Variants in MAST1 observed in about 807,000 individuals in gnomAD.
The protein encoded by MAST1 is microtubule associated serine/threonine kinase 1, also known as microtubule-associated serine/threonine-protein kinase 1.
In MAST1, 40 loss-of-function variants were observed where a neutral mutation model predicts 124.6. The observed-to-expected ratio is 0.32, with a 90% CI of 0.25 to 0.42. MAST1 has a LOEUF of 0.42. MAST1 is among the 10% of genes least tolerant of loss of function. The probability of loss-of-function intolerance (pLI) is 1.00; values close to 1 mark genes in which losing one functional copy is unlikely to be tolerated. For synonymous variants in MAST1, 938 were observed against 939.4 expected (o/e 1.00, Z 0.03); for missense variants, 1,558 against 2,181.9 (o/e 0.71, Z 5.70).
chr19:12,867,580 T>TG lies in MAST1; in HGVS notation c.2248dup (p.Ala750GlyfsTer14). On this transcript the variant is annotated frameshift_variant, in exon 19 of 26. Transcript: ENST00000251472. LOFTEE classifies it high-confidence loss of function. The stretch of plus-strand genomic sequence containing the variant: ...AGCACCAAGGGCCCCGAGGAGAAGG[T>TG]GGCCGGCAAGCGGGAGGGGCTGGGC... 1 of 1,612,408 alleles carries TG rather than the reference T, an allele frequency of 6.2e-7. No homozygotes were observed. The highest frequency in any genetic ancestry group is 8.5e-7 in the Non-Finnish European group (1 of 1,179,466).
Position 12,874,816 on chromosome 19 carries a change from C to G in MAST1, c.4659C>G (p.Pro1553=). The change falls in exon 26 of 26, where the codon CCC becomes CCG. Residue 1553 remains proline, a synonymous_variant. Transcript: ENST00000251472. The surrounding 1 kb of genome is among the most constrained non-coding windows in gnomAD (Gnocchi z 6.6). ...LTSRCPAEAV[P]PAGLTKKGVS... ...CCCGGTGCCCTGCTGAAGCTGTGCC[C>G]CCAGCAGGCCTGACCAAAAAAGGAG... 1 of 1,597,468 alleles carries G rather than the reference C, an allele frequency of 6.3e-7. No individual in the cohort carries two copies. The highest frequency in any genetic ancestry group is 1.1e-5 in the South Asian group (1 of 89,882).
intron 20 of MAST1, 181 bp from the exon 21 acceptor site, chr19:12,868,462 T>C: frequency 5.4e-6 from 3 of 553,226 alleles, no homozygotes; most frequent in Admixed American, 3.5e-5. Context: ...CAGTCAGTGA[T>C]ACAGACCGAT....
rs753835245 is a variant in MAST1, at chr19:12,838,579, G to C, written c.7G>C (p.Asp3His). ...ATGTCGCCGCCGCCGGGTCATGTCT[G>C]ACTCTCTCTGGACCGCGCTTTCTAA... MS[D>H]SLWTALSNFS... The change falls in exon 1 of 26, where the codon GAC (aspartate) becomes CAC (histidine). Residue 3 changes from aspartate (D) to histidine (H), a missense_variant. Transcript: ENST00000251472. This position sits in a 1 kb window ranked among gnomAD's most constrained non-coding sequence, Gnocchi z 4.3. 1 of 1,585,322 alleles carries C rather than the reference G, an allele frequency of 6.3e-7. No individual in the cohort carries two copies. The highest frequency in any genetic ancestry group is 8.6e-7 in the Non-Finnish European group (1 of 1,167,594).
Position 12,869,308 on chromosome 19 carries a change from G to A in MAST1, c.3003+13G>A, listed in dbSNP as rs761099184. On this transcript the variant is annotated intron_variant, in intron 22 of 25. Coordinates refer to ENST00000251472, the MANE Select transcript of MAST1 (RefSeq NM_014975.3). ...CCACATTGTCTGGGTGAGTACTCAT[G>A]GGTGGAGTCTCCATCACAGAGTGGA... 7.5e-6 allele frequency: 12 copies of A among 1,603,404 alleles called. No individual in the cohort carries two copies. Among genetic ancestry groups the A allele is most frequent in the African/African-American group, 1.3e-5 (1 of 74,618 alleles).
At chr19:12,846,329 A>G (rs905427900) in intron 4 of MAST1, among the ~76,000 whole-genome samples, 4 of 152,124 alleles carry the variant, frequency 2.6e-5, no homozygotes, top group Non-Finnish European at 5.9e-5. Context: ...CTGAGATTAC[A>G]GGTGTGAGTC....
At chr19:12,850,698 G>A (rs911637273) in intron 7 of MAST1, among the ~76,000 whole-genome samples, 8 of 152,044 alleles carry the variant, frequency 5.3e-5, no homozygotes, top group African/African-American at 1.9e-4. Context: ...GGCACAGCCT[G>A]TTGGATTCTG....
chr19:12,847,165 C>A lies in MAST1; in HGVS notation c.328-125C>A. On this transcript the variant is annotated intron_variant, in intron 4 of 25. Coordinates refer to ENST00000251472, the MANE Select transcript of MAST1 (RefSeq NM_014975.3). This position sits in a 1 kb window ranked among gnomAD's most constrained non-coding sequence, Gnocchi z 5.5. ...AGCCAAGATCCTAGGATCCAAGGAT[C>A]GTAAATCAGGTCCTGATCCTGGCCT... The A allele has an allele frequency of 1.5e-6, 1 of 670,236 alleles. No homozygotes were observed. Among genetic ancestry groups the A allele is most frequent in the South Asian group, 1.8e-5 (1 of 56,252 alleles). 41.5% of individuals were successfully genotyped at this position (670,236 alleles called of 1,614,324 possible).
Position 12,866,765 on chromosome 19 carries a change from G to C in MAST1, c.2139+3G>C. On this transcript the variant is annotated splice_donor_region_variant and intron_variant, in intron 18 of 25. Transcript: ENST00000251472. The surrounding 1 kb of genome is among the most constrained non-coding windows in gnomAD (Gnocchi z 5.2). ...CCTGCTCTCCGCGCTTCAGCAAGGTGGGCCAAGTCTGGGTGTGGGACAGGG... is the reference window on the plus strand; with the variant it reads ...CCTGCTCTCCGCGCTTCAGCAAGGTCGGCCAAGTCTGGGTGTGGGACAGGG... 1 of 1,611,640 alleles carries C rather than the reference G, an allele frequency of 6.2e-7. No homozygotes were observed. The highest frequency in any genetic ancestry group is 8.5e-7 in the Non-Finnish European group (1 of 1,178,698).
intron 7 of MAST1, among the ~76,000 whole-genome samples, chr19:12,850,937 T>C (rs368717798): frequency 9.8e-4 from 145 of 148,602 alleles, no homozygotes; most frequent in African/African-American, 3.5e-3. Flanking sequence ...CAATAAGATA[T>C]TAGTTTTTTC....
chr19:12,864,704 T>C, intron 12 of MAST1, 105 bp from the exon 13 acceptor site: 1 of 1,457,562 alleles, frequency 6.9e-7, no homozygotes, highest in South Asian at 1.2e-5. Flanking sequence ...CAGTTTCCCT[T>C]ATCTATAAAA....
Position 12,847,464 on chromosome 19 carries a change from C to A in MAST1, c.488+14C>A. On this transcript the variant is annotated intron_variant, in intron 5 of 25. Coordinates refer to ENST00000251472, the MANE Select transcript of MAST1 (RefSeq NM_014975.3). This position sits in a 1 kb window ranked among gnomAD's most constrained non-coding sequence, Gnocchi z 5.5. ...ACGGAGCCTCAGGTGGGCAGGCATC[C>A]CTCCTCCTTCGTACCAAGCTAGTGG... The A allele has an allele frequency of 6.2e-7, 1 of 1,613,278 alleles. No homozygotes were observed. Among genetic ancestry groups the A allele is most frequent in the South Asian group, 1.1e-5 (1 of 91,052 alleles).
Position 12,873,831 on chromosome 19 carries a change from C to T in MAST1, c.3674C>T (p.Thr1225Met). 1 of 1,591,628 alleles carries T rather than the reference C, an allele frequency of 6.3e-7. No individual in the cohort carries two copies. The highest frequency in any genetic ancestry group is 2.2e-5 in the East Asian group (1 of 44,462). Reference protein sequence around the residue: ...QASPPPLPGHTVGSSHTTQSF... With the variant: ...QASPPPLPGHMVGSSHTTQSF... ...TCACCGCCGCCACTGCCGGGCCACACGGTGGGCAGCTCGCACACTACTCAG... is the reference window on the plus strand; with the variant it reads ...TCACCGCCGCCACTGCCGGGCCACATGGTGGGCAGCTCGCACACTACTCAG... Residue 1225 changes from threonine (T) to methionine (M), a missense_variant, in exon 26 of 26, where the codon ACG becomes ATG. Thr to Met is a moderately conservative substitution (Grantham distance 81). Around this residue, in one of 10 missense-constraint regions of MAST1, gnomAD observed 291 missense variants for 475.8 expected, o/e 0.61. Coordinates refer to ENST00000251472, the MANE Select transcript of MAST1 (RefSeq NM_014975.3).
Position 12,868,856 on chromosome 19 carries a change from C to T in MAST1, c.2773+7C>T. On this transcript the variant is annotated splice_region_variant and intron_variant, in intron 21 of 25. Transcript: ENST00000251472. Reference sequence around the variant, plus strand: ...TCTGTCATGATTCCTGCAGGTAATGCTGGGCCCCACCTGGCAGGGGAGGGG... The same window carrying T: ...TCTGTCATGATTCCTGCAGGTAATGTTGGGCCCCACCTGGCAGGGGAGGGG... 1 of 1,567,356 alleles carries T rather than the reference C, an allele frequency of 6.4e-7. No homozygotes were observed. The highest frequency in any genetic ancestry group is 1.3e-5 in the African/African-American group (1 of 74,176).
In MAST1 at chr19:12,865,604, C is replaced by T. The variant is rs1599588781; in HGVS notation, c.1805-113C>T. On this transcript the variant is annotated intron_variant, in intron 15 of 25. Transcript: ENST00000251472. This position sits in a 1 kb window ranked among gnomAD's most constrained non-coding sequence, Gnocchi z 7.1. ...ATCGCTTGCACTCAGGAGGTCAAGG[C>T]TGCAGTGAGCCATGATCGTGCCACT... 6.9e-7 allele frequency: 1 copy of T among 1,452,342 alleles called. No homozygotes were observed. The highest frequency in any genetic ancestry group is 2.3e-5 in the East Asian group (1 of 43,792). The allele number at this position is 1,452,342 out of a possible 1,614,324, so 90.0% of individuals were successfully genotyped here. A position where few individuals can be genotyped will look rare whatever the true frequency, so the allele number is the denominator to read the frequency against.
intron 10 of MAST1, 122 bp from the exon 11 acceptor site, chr19:12,858,240 A>G (rs375709977): frequency 3.6e-6 from 3 of 836,194 alleles, no homozygotes; most frequent in East Asian, 4.9e-5. Context: ...CTCTTTCATT[A>G]TGGCACTTGG....
intron 20 of MAST1, 125 bp downstream of exon 20, chr19:12,868,102 G>GC: frequency 1.9e-6 from 1 of 539,198 alleles, no homozygotes; most frequent in Non-Finnish European, 2.5e-6. Flanking sequence ...TGCAATTTGG[G>GC]ATTTTTTTTT....
At chr19:12,860,783 C>A (rs766028088) in intron 12 of MAST1, among the ~76,000 whole-genome samples, 9 of 151,998 alleles carry the variant, frequency 5.9e-5, no homozygotes, top group Non-Finnish European at 8.8e-5. Flanking sequence ...CATGTATTCA[C>A]CCAAATGTTA....
At chr19:12,854,631 A>C (rs1969999202) in intron 10 of MAST1, among the ~76,000 whole-genome samples, 1 of 152,172 alleles carries the variant, frequency 6.6e-6, no homozygotes, top group Non-Finnish European at 1.5e-5. Context: ...CATCTGTTGT[A>C]AATAGTGCTC....
At position 12,841,309 on chromosome 19, in the gene MAST1, C is replaced by T. The variant is rs1004307270; in HGVS notation, c.248+243C>T. On this transcript the variant is annotated intron_variant, in intron 3 of 25. Transcript: ENST00000251472. The surrounding 1 kb of genome is among the most constrained non-coding windows in gnomAD (Gnocchi z 4.3). ...GGCTCCCTTTGCGGCAGGTCGAAAG[C>T]GCGTGCGCCCTGGGCGCGGGGTCTT... 2.6e-5 allele frequency among the ~76,000 whole-genome samples: 4 copies of T among 152,368 alleles called. No individual in the cohort carries two copies. In the East Asian group the frequency reaches 7.7e-4, roughly 29 times the overall value.
Sources: gnomAD v4.1 joint callset for allele counts (sites outside exome capture counted in the v4.1 genomes callset) on GRCh38, gnomAD v4.1.1 for gene constraint, gnomAD v4.1.1 regional missense constraint, Gnocchi (gnomAD v3.1) non-coding constraint, MANE v1.5 for transcripts, NCBI Gene and HGNC (gene_info 2026-07-23, HGNC 2026-07-21) for gene names.